ANXA4: variants seen among roughly 807,000 people sequenced by gnomAD.
The protein encoded by ANXA4 is annexin A4, also known as 35-beta calcimedin.
ANXA4 carries 39 observed loss-of-function variants against 49.8 expected under a neutral mutation model. That is an observed-to-expected ratio of 0.78 (90% confidence interval 0.61 to 1.02). The LOEUF (loss-of-function observed/expected upper bound fraction) is 1.02, where lower values mean the gene tolerates loss of function less well. Ranked by LOEUF, ANXA4 falls within the 50% of genes least tolerant of loss-of-function variation. The pLI is 0.00. For synonymous variants in ANXA4, 134 were observed against 152.5 expected (o/e 0.88, Z 0.89); for missense variants, 360 against 410.1 (o/e 0.88, Z 1.05).
At chr2:69,756,926 TA>T (rs1268545706) in intron 1 of ANXA4, among the ~76,000 whole-genome samples, 3 of 111,318 alleles carry the variant, frequency 2.7e-5, no homozygotes. Context: ...ATTAATTAAT[TA>T]ATTATTATTT....
intron 2 of ANXA4, among the ~76,000 whole-genome samples, chr2:69,709,981 C>CTTTTTTTTTTTTTTTTTT (rs974347199): frequency 1.0e-5 from 1 of 97,022 alleles, no homozygotes; most frequent in African/African-American, 4.3e-5. Context: ...CACTTCCAGG[C>CTTTTTTTTTTTTTTTTTT]TTTTTTTTTT....
chr2:69,651,571 C>T lies in ANXA4; in HGVS notation n.482-1427C>T, dbSNP rs1189261620. ...AGGCTGGAGTGCAGTGGCGCAATCT[C>T]GGCTCACTGCAAGCTCCGCCTCCCG... is the stretch of plus-strand genomic sequence containing the variant. On this transcript the variant is annotated intron_variant and non_coding_transcript_variant, in intron 1 of 3. Coordinates refer to the ANXA4 transcript ENST00000418066. Among the ~76,000 whole-genome samples, 6 of 151,992 alleles carry T rather than the reference C, an allele frequency of 3.9e-5. No individual in the cohort carries two copies. The East Asian group carries it at 9.7e-4, about 25-fold the overall frequency.
In ANXA4 at chr2:69,778,668, G is replaced by A. The variant is rs192371329; in HGVS notation, c.-46-2852G>A. Among the ~76,000 whole-genome samples the A allele has an allele frequency of 2.7e-3, 410 of 151,746 alleles. 7 individuals are homozygous for A. Among genetic ancestry groups the A allele is most frequent in the Admixed American group, 5.2e-3 (79 of 15,222 alleles). ...CACATGCTTGTAATCCCAGCTACTCGGGAGGCTGAGGCAGGCGAATCACTT... is the reference window on the plus strand; with the variant it reads ...CACATGCTTGTAATCCCAGCTACTCAGGAGGCTGAGGCAGGCGAATCACTT... On this transcript the variant is annotated intron_variant, in intron 1 of 12. Coordinates refer to ENST00000394295, the MANE Select transcript of ANXA4 (RefSeq NM_001153.5).
At chr2:69,680,300 G>A (rs570043856) in intron 2 of ANXA4, among the ~76,000 whole-genome samples, 150 of 152,042 alleles carry the variant, frequency 9.9e-4, no homozygotes, top group Non-Finnish European at 1.6e-3. Flanking sequence ...TTCTTTCTCA[G>A]CTAGTTCATT....
At chr2:69,645,083 C>G (rs1239343851) in intron 1 of ANXA4, among the ~76,000 whole-genome samples, 1 of 152,122 alleles carries the variant, frequency 6.6e-6, no homozygotes, top group Non-Finnish European at 1.5e-5. Context: ...GTGCTTGTCT[C>G]AGAATTTTTT....
chr2:69,767,318 AC>A (rs1671533025), intron 1 of ANXA4, among the ~76,000 whole-genome samples: 1 of 152,058 alleles, frequency 6.6e-6, no homozygotes, highest in Admixed American at 6.6e-5. Flanking sequence ...ATTATATCTA[AC>A]CTGTTTCGAC....
rs764784059 is a variant in ANXA4 at position 69,678,571 on chromosome 2, GT to G, written n.766+25295del. On this transcript the variant is annotated intron_variant and non_coding_transcript_variant, in intron 2 of 3. Transcript: ENST00000418066. Reference sequence around the variant, plus strand: ...ACCACACCGGGCTAATTTTTTGTGTGTTTTTTGTAGAGACTGGGTTTTGCCA... The same window carrying G: ...ACCACACCGGGCTAATTTTTTGTGTGTTTTTGTAGAGACTGGGTTTTGCCA... Among the ~76,000 whole-genome samples, 32 of 151,170 alleles carry G rather than the reference GT, an allele frequency of 2.1e-4. No individual in the cohort carries two copies. The Middle Eastern group carries it at 0.01, about 49-fold the overall frequency.
chr2:69,656,411 GTA>G lies in ANXA4; in HGVS notation n.766+3139_766+3140del, dbSNP rs573668663. 3.1e-4 allele frequency among the ~76,000 whole-genome samples: 39 copies of G among 126,776 alleles called. 1 individual carries two copies. Among genetic ancestry groups the G allele is most frequent in the East Asian group, 1.2e-3 (4 of 3,314 alleles). 83.2% of individuals were successfully genotyped at this position (126,776 alleles called of 152,430 possible). ...TATGTGTATATATATGTATATATATGTATATATATATGTGTGTGTATATATAT... is the reference window on the plus strand; with the variant it reads ...TATGTGTATATATATGTATATATATGTATATATATGTGTGTGTATATATAT... On this transcript the variant is annotated intron_variant and non_coding_transcript_variant, in intron 2 of 3. Transcript: ENST00000418066.
intron 2 of ANXA4, among the ~76,000 whole-genome samples, chr2:69,682,927 A>C (rs1381218128): frequency 6.6e-6 from 1 of 152,192 alleles, no homozygotes; most frequent in Non-Finnish European, 1.5e-5. Flanking sequence ...GTGCTTTTCT[A>C]ATTTGTTTAA....
At chr2:69,684,957 A>G (rs1677734530) in intron 2 of ANXA4, among the ~76,000 whole-genome samples, 1 of 152,208 alleles carries the variant, frequency 6.6e-6, no homozygotes, top group Admixed American at 6.5e-5. Context: ...TCAAGTCCCC[A>G]GTTTTGAAGA....
intron 1 of ANXA4, among the ~76,000 whole-genome samples, chr2:69,770,285 TA>T (rs1162857808): frequency 6.6e-6 from 1 of 152,226 alleles, no homozygotes; most frequent in Admixed American, 6.5e-5. Flanking sequence ...AAAAGAGAGT[TA>T]CTCTCATTTT....
At chr2:69,722,465 G>A (rs1669840453) in intron 3 of ANXA4, among the ~76,000 whole-genome samples, 2 of 152,194 alleles carry the variant, frequency 1.3e-5, no homozygotes. Flanking sequence ...GACACATGCG[G>A]CAACATGGAT....
upstream of ANXA4, among the ~76,000 whole-genome samples, chr2:69,739,419 G>T (rs892748851): frequency 6.6e-5 from 10 of 151,912 alleles, no homozygotes; most frequent in East Asian, 9.7e-4. Flanking sequence ...TTTTTTTAGG[G>T]GGGTGGGGTG....
upstream of ANXA4, among the ~76,000 whole-genome samples, chr2:69,740,863 T>G (rs1474281229): frequency 4.7e-5 from 7 of 148,038 alleles, no homozygotes; most frequent in Non-Finnish European, 1.1e-4. Context: ...ATGTTTTTTT[T>G]TTTTTTTTTT....
At chr2:69,814,216 C>T (rs560414804) in intron 8 of ANXA4, among the ~76,000 whole-genome samples, 1 of 152,048 alleles carries the variant, frequency 6.6e-6, no homozygotes, top group East Asian at 1.9e-4. Flanking sequence ...TCTTGGAGCA[C>T]GGCAGCTGGG....
At chr2:69,650,529 G>A (rs1473619834) in intron 1 of ANXA4, among the ~76,000 whole-genome samples, 1 of 151,884 alleles carries the variant, frequency 6.6e-6, no homozygotes, top group African/African-American at 2.4e-5. Context: ...AGGCTGGAGT[G>A]CAGTGGCATG....
At position 69,795,438 on chromosome 2, in the gene ANXA4, C is replaced by T. The variant is rs535563104; in HGVS notation, c.97+7297C>T. Among the ~76,000 whole-genome samples the T allele has an allele frequency of 3.9e-4, 60 of 152,280 alleles. 1 individual carries two copies. The highest frequency in any genetic ancestry group is 3.9e-3 in the Admixed American group (59 of 15,296). On this transcript the variant is annotated intron_variant, in intron 3 of 12. Coordinates refer to ENST00000394295, the MANE Select transcript of ANXA4 (RefSeq NM_001153.5). Reference sequence around the variant, plus strand: ...AAACGGATGAATTGGGACTATGGCCCATTAATGAGGCAGATGTCCTGAACT... The same window carrying T: ...AAACGGATGAATTGGGACTATGGCCTATTAATGAGGCAGATGTCCTGAACT...
At chr2:69,675,578 G>C (rs1677377543) in intron 2 of ANXA4, among the ~76,000 whole-genome samples, 1 of 152,136 alleles carries the variant, frequency 6.6e-6, no homozygotes, top group Non-Finnish European at 1.5e-5. Context: ...GCCTAAAGCT[G>C]AGCAAAAGTG....
chr2:69,729,043 C>G (rs1222552880), intron 3 of ANXA4, among the ~76,000 whole-genome samples: 1 of 152,166 alleles, frequency 6.6e-6, no homozygotes, highest in Non-Finnish European at 1.5e-5. Context: ...GAGATGGAGT[C>G]TGCTCTGTCG....
Sources: gnomAD v4.1 joint callset for allele counts (sites outside exome capture counted in the v4.1 genomes callset) on GRCh38, gnomAD v4.1.1 for gene constraint, MANE v1.5 for transcripts, NCBI Gene and HGNC (gene_info 2026-07-23, HGNC 2026-07-21) for gene names.